FBXO28: variants seen among roughly 807,000 people sequenced by gnomAD.
The protein encoded by FBXO28 is F-box only protein 28.
A neutral mutation model predicts 38.1 loss-of-function variants in FBXO28; 8 were observed. The observed-to-expected ratio is 0.21, with a 90% CI of 0.12 to 0.38. The LOEUF is 0.38. Ranked by LOEUF, FBXO28 falls within the 10% of genes least tolerant of loss-of-function variation. The probability of loss-of-function intolerance (pLI) is 1.00; values close to 1 mark genes in which losing one functional copy is unlikely to be tolerated. For synonymous variants in FBXO28, 168 were observed against 173.8 expected (o/e 0.97, Z 0.26); for missense variants, 345 against 460.6 (o/e 0.75, Z 2.30).
At position 224,114,433 on chromosome 1, in the gene FBXO28, C is replaced by G. The variant is rs553701368; in HGVS notation, c.267+37C>G. The G allele has an allele frequency of 2.7e-4, 388 of 1,434,984 alleles. 2 individuals are homozygous for G. The South Asian group carries it at 3.8e-3, about 14-fold the overall frequency. 88.9% of individuals were successfully genotyped at this position (1,434,984 alleles called of 1,614,324 possible). ...GCAGAACTCCTGCCTCCCTCTCCCC[C>G]CGGCCGAGGTCTGGGAGATGAGAAG... is the stretch of plus-strand genomic sequence containing the variant. On this transcript the variant is annotated intron_variant, in intron 1 of 4. Transcript: ENST00000366862.
chr1:224,126,427 G>A (rs1294441436), intron 1 of FBXO28, among the ~76,000 whole-genome samples: 1 of 152,220 alleles, frequency 6.6e-6, no homozygotes, highest in Non-Finnish European at 1.5e-5. Flanking sequence ...CAAGGTTGTA[G>A]AGTCTACAGA....
intron 2 of FBXO28, among the ~76,000 whole-genome samples, chr1:224,131,832 T>C (rs1261581400): frequency 1.3e-5 from 2 of 152,188 alleles, no homozygotes; most frequent in East Asian, 1.9e-4. Flanking sequence ...TGTAAAACTT[T>C]TGTGGCTCAA....
At chr1:224,125,703 G>C (rs539279230) in intron 1 of FBXO28, among the ~76,000 whole-genome samples, 133 of 148,800 alleles carry the variant, frequency 8.9e-4, no homozygotes, top group Non-Finnish European at 1.3e-3. Context: ...GTGCATTGGT[G>C]CCGTCTCGGA....
rs749762791 is a variant in FBXO28 at position 224,114,336 on chromosome 1, C to A, written c.207C>A (p.Ile69=). 2 of 1,593,204 alleles carry A rather than the reference C, an allele frequency of 1.3e-6. No individual in the cohort carries two copies. Among genetic ancestry groups the A allele is most frequent in the Admixed American group, 1.7e-5 (1 of 57,376 alleles). Residue 69 remains isoleucine (I), a synonymous_variant, in exon 1 of 5, where the codon ATC becomes ATA. Transcript: ENST00000366862. ...ACAACACGCTTGTGGCGCTGCCCATCGTAGCCATCGAGAACATCCTCAGCT... is the reference window on the plus strand; with the variant it reads ...ACAACACGCTTGTGGCGCTGCCCATAGTAGCCATCGAGAACATCCTCAGCT... The part of the protein sequence containing the change: ...PQNNTLVALP[I]VAIENILSFM...
intron 3 of FBXO28, among the ~76,000 whole-genome samples, chr1:224,139,031 C>T (rs1657268302): frequency 2.6e-5 from 4 of 151,746 alleles, no homozygotes; most frequent in Admixed American, 2.6e-4. Context: ...GATGCGCCCA[C>T]CTTAGCCTCC....
Position 224,157,736 on chromosome 1 carries a change from A to G in FBXO28, c.1097A>G (p.Asn366Ser). The change falls in exon 5 of 5, where the codon AAT (asparagine) becomes AGT (serine). Residue 366 changes from asparagine (N) to serine (S), a missense_variant. Asn to Ser is a conservative substitution (Grantham distance 46). Around this residue, in one of 6 missense-constraint regions of FBXO28, gnomAD observed 151 missense variants for 188.3 expected, o/e 0.80. Coordinates refer to ENST00000366862, the MANE Select transcript of FBXO28 (RefSeq NM_015176.4). ...DSLRKSKRLR[N>S]RK is the part of the protein sequence containing the mutation. ...CTTAGGAAATCTAAACGTCTTCGGA[A>G]TAGAAAGTAAATTGGAATGTGGTTC... 6.3e-7 allele frequency: 1 copy of G among 1,598,194 alleles called. No homozygotes were observed. Among genetic ancestry groups the G allele is most frequent in the Non-Finnish European group, 8.5e-7 (1 of 1,174,042 alleles).
chr1:224,156,589 T>C (rs1235211095), intron 4 of FBXO28, among the ~76,000 whole-genome samples: 2 of 152,226 alleles, frequency 1.3e-5, no homozygotes, highest in Admixed American at 1.3e-4. Context: ...AGCATCATGT[T>C]GGTGCTCAAG....
intron 1 of FBXO28, among the ~76,000 whole-genome samples, chr1:224,123,838 A>T (rs1354052775): frequency 6.6e-6 from 1 of 152,150 alleles, no homozygotes; most frequent in Non-Finnish European, 1.5e-5. Flanking sequence ...GCCAGGCATG[A>T]TGGCCCATGC....
At chr1:224,128,140 G>A (rs936289330) in intron 1 of FBXO28, among the ~76,000 whole-genome samples, 240 of 152,002 alleles carry the variant, frequency 1.6e-3, no homozygotes, top group African/African-American at 5.7e-3. Context: ...TCAGCATTTC[G>A]TTTCAACAAA....
chr1:224,140,851 C>T (rs946356952), intron 3 of FBXO28, among the ~76,000 whole-genome samples: 2 of 151,388 alleles, frequency 1.3e-5, no homozygotes, highest in Non-Finnish European at 2.9e-5. Context: ...AAGGCTGAGG[C>T]AGGAGAATCG....
chr1:224,138,545 C>T (rs1358262071), intron 3 of FBXO28, among the ~76,000 whole-genome samples: 1 of 151,764 alleles, frequency 6.6e-6, no homozygotes, highest in Non-Finnish European at 1.5e-5. Flanking sequence ...TTGGCTTACT[C>T]CTGTATACAT....
intron 4 of FBXO28, among the ~76,000 whole-genome samples, chr1:224,154,905 G>T (rs1249875189): frequency 1.3e-5 from 2 of 149,188 alleles, no homozygotes; most frequent in Admixed American, 1.3e-4. Context: ...TTGAACCCAA[G>T]AGGCGGAGGT....
chr1:224,155,495 A>G (rs554818428), intron 4 of FBXO28, among the ~76,000 whole-genome samples: 31 of 152,318 alleles, frequency 2.0e-4, no homozygotes, highest in South Asian at 8.3e-4. Flanking sequence ...TCATAAGGCT[A>G]TTTTGAACAG....
chr1:224,149,012 G>A (rs1173763357), intron 3 of FBXO28, among the ~76,000 whole-genome samples: 2 of 152,092 alleles, frequency 1.3e-5, no homozygotes, highest in Non-Finnish European at 2.9e-5. Context: ...ATGTTTCACT[G>A]GATAGGATCT....
chr1:224,138,772 G>T (rs1657261477), intron 3 of FBXO28, among the ~76,000 whole-genome samples: 1 of 150,728 alleles, frequency 6.6e-6, no homozygotes, highest in Non-Finnish European at 1.5e-5. Context: ...TTAGAGACGG[G>T]GTCTCACCAT....
chr1:224,139,178 A>G (rs1034727087), intron 3 of FBXO28, among the ~76,000 whole-genome samples: 1 of 151,808 alleles, frequency 6.6e-6, no homozygotes, highest in African/African-American at 2.4e-5. Flanking sequence ...TTACAGTATA[A>G]TTGACTACAT....
intron 3 of FBXO28, 142 bp downstream of exon 3, chr1:224,134,354 A>G: frequency 1.6e-6 from 1 of 630,334 alleles, no homozygotes; most frequent in Non-Finnish European, 2.6e-6. Context: ...CTTTCTGTAC[A>G]GTTATAAATA....
At chr1:224,156,548 A>G (rs1436121226) in intron 4 of FBXO28, among the ~76,000 whole-genome samples, 1 of 152,154 alleles carries the variant, frequency 6.6e-6, no homozygotes, top group African/African-American at 2.4e-5. Context: ...GCATACCCAC[A>G]TTCCAAAATG....
intron 1 of FBXO28, among the ~76,000 whole-genome samples, chr1:224,124,048 T>C (rs1236507894): frequency 6.6e-6 from 1 of 152,120 alleles, no homozygotes; most frequent in Non-Finnish European, 1.5e-5. Flanking sequence ...AGGCAAAGGT[T>C]GCAGTGAGTG....
Sources: allele counts gnomAD v4.1 joint callset (sites outside exome capture counted in the v4.1 genomes callset), GRCh38; gene constraint gnomAD v4.1.1; regional missense constraint gnomAD v4.1.1; transcripts MANE v1.5; gene names NCBI Gene and HGNC (gene_info 2026-07-23, HGNC 2026-07-21).